Variants in ATP6V0E2 observed in about 807,000 individuals in gnomAD.
The protein encoded by ATP6V0E2 is V-type proton ATPase subunit e 2.
A neutral mutation model predicts 11.5 loss-of-function variants in ATP6V0E2; 4 were observed. The observed-to-expected ratio is 0.35, with a 90% CI of 0.17 to 0.80. The LOEUF is 0.80. Among genes scored for constraint, ATP6V0E2 ranks in the 30% least tolerant of loss-of-function variants. ATP6V0E2 has a pLI of 0.53. For missense variants in ATP6V0E2, 93 were observed against 113.5 expected (o/e 0.82, Z 0.82); for synonymous variants, 52 against 51.0 (o/e 1.02, Z -0.09).
chr7:149,877,081 G>GGGTCTTATCAAGACCCCT (rs1554454007), intron 2 of ATP6V0E2, among the ~76,000 whole-genome samples: 1 of 151,798 alleles, frequency 6.6e-6, no homozygotes, highest in African/African-American at 2.4e-5. Flanking sequence ...GATTGAAATG[G>GGGTCTTATCAAGACCCCT]GGTCTTGAGA....
At position 149,874,083 on chromosome 7, in the gene ATP6V0E2, C is replaced by A; in HGVS notation, c.18C>A (p.Phe6Leu). The change falls in exon 1 of 4, where the codon TTC becomes TTA. Residue 6 changes from phenylalanine (F) to leucine (L), a missense_variant. Transcript: ENST00000425642. MTAHS[F>L]ALPVIIFTTF... Reference sequence around the variant, plus strand: ...GCCCGGCCATGACGGCGCACTCATTCGCCCTCCCGGTCATCATCTTCACCA... The same window carrying A: ...GCCCGGCCATGACGGCGCACTCATTAGCCCTCCCGGTCATCATCTTCACCA... 6.5e-7 allele frequency: 1 copy of A among 1,550,032 alleles called. No individual in the cohort carries two copies. The highest frequency in any genetic ancestry group is 8.7e-7 in the Non-Finnish European group (1 of 1,146,646).
chr7:149,874,377 A>G (rs7795944), intron 1 of ATP6V0E2, among the ~76,000 whole-genome samples: 20,946 of 152,104 alleles, frequency 0.14, 3,344 homozygotes, highest in African/African-American at 0.4. Flanking sequence ...GGGCATATCC[A>G]GAAGGTAAAG....
rs1333413061 is a variant in ATP6V0E2 at position 149,874,045 on chromosome 7, C to T, written c.-21C>T. ...CCCGCTGCTCGGCCCTGCATCCTGC[C>T]TGGGCATCCTGCGCCCGGCCATGAC... On this transcript the variant is annotated 5_prime_UTR_variant, in exon 1 of 4. Transcript: ENST00000425642. 1 of 1,549,746 alleles carries T rather than the reference C, an allele frequency of 6.5e-7. No homozygotes were observed. The highest frequency in any genetic ancestry group is 1.2e-5 in the South Asian group (1 of 84,056).
Position 149,879,595 on chromosome 7 carries a change from A to G in ATP6V0E2, c.*280A>G. On this transcript the variant is annotated 3_prime_UTR_variant, in exon 4 of 4. Coordinates refer to ENST00000425642, the MANE Select transcript of ATP6V0E2 (RefSeq NM_145230.4). ...TGCTCTGGAGTTTGCCCTCTTTCCC[A>G]AGGAGATGCTGCTGGGGAGCTGGTA... is the stretch of plus-strand genomic sequence containing the variant. The G allele has an allele frequency of 6.8e-7, 1 of 1,480,324 alleles. No individual in the cohort carries two copies. The highest frequency in any genetic ancestry group is 9.0e-7 in the Non-Finnish European group (1 of 1,112,618). The allele number at this position is 1,480,324 out of a possible 1,614,324, so 91.7% of individuals were successfully genotyped here.
In ATP6V0E2 at chr7:149,879,720, G is replaced by A. The variant is rs759902812; in HGVS notation, c.*405G>A. The A allele has an allele frequency of 4.5e-6, 6 of 1,327,366 alleles. No individual in the cohort carries two copies. The highest frequency in any genetic ancestry group is 3.6e-5 in the Admixed American group (1 of 27,712). The allele number at this position is 1,327,366 out of a possible 1,614,324, so 82.2% of individuals were successfully genotyped here. A position where few individuals can be genotyped will look rare whatever the true frequency, so the allele number is the denominator to read the frequency against. On this transcript the variant is annotated 3_prime_UTR_variant, in exon 4 of 4. Transcript: ENST00000425642. Reference sequence around the variant, plus strand: ...ATGGAGAGGGTGCTCCGGCCCAGGCGGGGGAGTCAGTGCCCAGTCAGCAGC... The same window carrying A: ...ATGGAGAGGGTGCTCCGGCCCAGGCAGGGGAGTCAGTGCCCAGTCAGCAGC...
chr7:149,879,307 G>A, intron 3 of ATP6V0E2, 28 bp from the exon 4 acceptor site: 1 of 1,490,590 alleles, frequency 6.7e-7, no homozygotes, highest in Non-Finnish European at 9.0e-7. Context: ...TGCAAGGCCG[G>A]GACCCTTCCA....
At position 149,874,114 on chromosome 7, in the gene ATP6V0E2, T is replaced by TG; in HGVS notation, c.53dup (p.Leu19ProfsTer53). On this transcript the variant is annotated frameshift_variant, in exon 1 of 4. Coordinates refer to ENST00000425642, the MANE Select transcript of ATP6V0E2 (RefSeq NM_145230.4). LOFTEE classifies it high-confidence loss of function. ...CCCGGTCATCATCTTCACCACGTTC[T>TG]GGGGCCTCGTCGGCATCGCCGGGCC... 1 of 1,549,960 alleles carries TG rather than the reference T, an allele frequency of 6.5e-7. No homozygotes were observed. The highest frequency in any genetic ancestry group is 8.7e-7 in the Non-Finnish European group (1 of 1,146,594).
intron 2 of ATP6V0E2, among the ~76,000 whole-genome samples, chr7:149,877,144 CCTCCCCA>C (rs1803196322): frequency 2.0e-5 from 3 of 152,022 alleles, no homozygotes; most frequent in Admixed American, 1.3e-4. Context: ...TCTGCCTCAG[CCTCCCCA>C]AGGAGCTGGG....
At chr7:149,873,821 T>A, upstream of ATP6V0E2, 1 of 1,427,528 alleles carries the variant, frequency 7.0e-7, no homozygotes. Context: ...GCGCCCCTAT[T>A]CCTCGGCATT....
chr7:149,878,297 C>T (rs111279896), intron 2 of ATP6V0E2, among the ~76,000 whole-genome samples: 5,771 of 152,250 alleles, frequency 0.038, 366 homozygotes, highest in African/African-American at 0.13. Context: ...ACGTGCTGCC[C>T]GCCAGGCCTG....
chr7:149,877,849 G>C (rs1220985837), intron 2 of ATP6V0E2, among the ~76,000 whole-genome samples: 1 of 152,192 alleles, frequency 6.6e-6, no homozygotes, highest in African/African-American at 2.4e-5. Context: ...AAAATGTTAC[G>C]CCTAGAAATT....
At chr7:149,877,271 C>T (rs563903571) in intron 2 of ATP6V0E2, among the ~76,000 whole-genome samples, 92 of 152,254 alleles carry the variant, frequency 6.0e-4, no homozygotes, top group African/African-American at 2.2e-3. Flanking sequence ...CTCACTGCAG[C>T]CTCAACCTTC....
intron 1 of ATP6V0E2, chr7:149,874,840 G>A (rs1803040437): frequency 6.5e-6 from 1 of 153,232 alleles, no homozygotes; most frequent in African/African-American, 2.4e-5. Context: ...GGGATCGCGT[G>A]CTCCTGTGTC....
intron 3 of ATP6V0E2, 162 bp downstream of exon 3, chr7:149,878,952 C>G (rs1328293423): frequency 2.6e-6 from 1 of 382,424 alleles, no homozygotes; most frequent in African/African-American, 4.1e-5. Context: ...CATCCACACT[C>G]CGGCAGGCAC....
intron 2 of ATP6V0E2, chr7:149,876,137 G>A (rs1803119814): frequency 4.4e-6 from 2 of 455,172 alleles, no homozygotes; most frequent in Non-Finnish European, 8.8e-6. Flanking sequence ...CAGCACTTTG[G>A]GAGGCTGAGG....
Position 149,874,059 on chromosome 7 carries a change from C to T in ATP6V0E2, c.-7C>T. ...CTGCATCCTGCCTGGGCATCCTGCG[C>T]CCGGCCATGACGGCGCACTCATTCG... On this transcript the variant is annotated 5_prime_UTR_variant, in exon 1 of 4. Coordinates refer to ENST00000425642, the MANE Select transcript of ATP6V0E2 (RefSeq NM_145230.4). The T allele has an allele frequency of 6.5e-7, 1 of 1,549,928 alleles. No individual in the cohort carries two copies. The highest frequency in any genetic ancestry group is 8.7e-7 in the Non-Finnish European group (1 of 1,146,640).
chr7:149,879,411 T>G lies in ATP6V0E2; in HGVS notation c.*96T>G, dbSNP rs768326124. Reference sequence around the variant, plus strand: ...GTCCGGACCCTCCCCCACACAACTATGTCTGGTCACCAGCTCCCTCCTGCT... The same window carrying G: ...GTCCGGACCCTCCCCCACACAACTAGGTCTGGTCACCAGCTCCCTCCTGCT... On this transcript the variant is annotated 3_prime_UTR_variant, in exon 4 of 4. Transcript: ENST00000425642. 1 of 1,605,664 alleles carries G rather than the reference T, an allele frequency of 6.2e-7. No homozygotes were observed. Among genetic ancestry groups the G allele is most frequent in the Non-Finnish European group, 8.5e-7 (1 of 1,176,304 alleles).
chr7:149,874,211 C>T (rs1215345824), intron 1 of ATP6V0E2, 42 bp downstream of exon 1: 2 of 1,511,344 alleles, frequency 1.3e-6, no homozygotes, highest in Non-Finnish European at 1.8e-6. Flanking sequence ...TCCACCCCGG[C>T]CCCCTGGCCC....
chr7:149,877,992 G>GA (rs1803242806), intron 2 of ATP6V0E2, among the ~76,000 whole-genome samples: 2 of 152,242 alleles, frequency 1.3e-5, no homozygotes. Context: ...CCTTCCTGCA[G>GA]AAACAGACAA....
Sources: allele counts gnomAD v4.1 joint callset (sites outside exome capture counted in the v4.1 genomes callset), GRCh38; gene constraint gnomAD v4.1.1; transcripts MANE v1.5; gene names NCBI Gene and HGNC (gene_info 2026-07-23, HGNC 2026-07-21).